Variants in STXBP6 observed in about 807,000 individuals in gnomAD.
The protein encoded by STXBP6 is syntaxin binding protein 6, also known as syntaxin-binding protein 6.
STXBP6 carries 21 observed loss-of-function variants against 26.9 expected under a neutral mutation model. The observed-to-expected ratio is 0.78, with a 90% CI of 0.55 to 1.12. The LOEUF is 1.12. Ranked by LOEUF, STXBP6 falls within the 50% of genes most tolerant of loss-of-function variation. The pLI is 0.00. For missense variants in STXBP6, 232 were observed against 257.9 expected, an observed-to-expected ratio of 0.90 and a Z score of 0.69; for synonymous variants, 97 against 92.6, an observed-to-expected ratio of 1.05 and a Z score of -0.27.
At chr14:24,897,676 G>A (rs1464677614) in intron 2 of STXBP6, among the ~76,000 whole-genome samples, 2 of 152,130 alleles carry the variant, frequency 1.3e-5, no homozygotes, top group Non-Finnish European at 2.9e-5. Context: ...TTAAAGTTTC[G>A]ATGAGGGATT....
chr14:24,838,952 T>C (rs1353017888), intron 4 of STXBP6, among the ~76,000 whole-genome samples: 2 of 151,940 alleles, frequency 1.3e-5, no homozygotes, highest in East Asian at 1.9e-4. Flanking sequence ...CTAAAGAATA[T>C]GAAACAATAA....
intron 2 of STXBP6, among the ~76,000 whole-genome samples, chr14:24,870,778 C>A (rs1367461155): frequency 6.6e-6 from 1 of 152,196 alleles, no homozygotes; most frequent in Non-Finnish European, 1.5e-5. Context: ...TACCCCATCA[C>A]CACCACCTGT....
chr14:24,838,971 A>C (rs537371071), intron 4 of STXBP6, among the ~76,000 whole-genome samples: 4 of 152,302 alleles, frequency 2.6e-5, no homozygotes, highest in Non-Finnish European at 4.4e-5. Flanking sequence ...AATAAAAAAA[A>C]CCTAAACCAT....
At chr14:24,817,905 T>A (rs1395907548) in intron 5 of STXBP6, 11 of 388,198 alleles carry the variant, frequency 2.8e-5, no homozygotes, top group South Asian at 2.1e-4. Flanking sequence ...GACAGCGCTG[T>A]GCAAAGGGGA....
intron 4 of STXBP6, among the ~76,000 whole-genome samples, chr14:24,821,771 T>C (rs2068142005): frequency 1.3e-5 from 2 of 152,180 alleles, no homozygotes. Flanking sequence ...CTTCTCCTAC[T>C]TGACTTTTTC....
At chr14:24,998,150 A>AT (rs1402043968) in intron 1 of STXBP6, among the ~76,000 whole-genome samples, 4 of 152,092 alleles carry the variant, frequency 2.6e-5, no homozygotes, top group Non-Finnish European at 5.9e-5. Context: ...GTAAGACTGC[A>AT]TTTTTTCTGT....
chr14:24,949,242 A>T (rs1014480133), intron 2 of STXBP6, among the ~76,000 whole-genome samples: 4 of 152,212 alleles, frequency 2.6e-5, no homozygotes, highest in African/African-American at 9.6e-5. Context: ...ATATTAATAG[A>T]AGTGTAAAAT....
intron 1 of STXBP6, among the ~76,000 whole-genome samples, chr14:24,995,537 TG>T (rs1442036382): frequency 2.6e-5 from 4 of 152,178 alleles, no homozygotes; most frequent in Non-Finnish European, 5.9e-5. Flanking sequence ...TTTTTTGCAG[TG>T]AGCCACTAGA....
intron 2 of STXBP6, among the ~76,000 whole-genome samples, chr14:24,914,961 TC>T (rs1343876028): frequency 6.6e-6 from 1 of 152,186 alleles, no homozygotes; most frequent in African/African-American, 2.4e-5. Flanking sequence ...AAAACATTAG[TC>T]TCCCTCAGCT....
chr14:25,045,604 T>TC (rs1491513673), intron 1 of STXBP6, among the ~76,000 whole-genome samples: 4 of 142,480 alleles, frequency 2.8e-5, no homozygotes, highest in Non-Finnish European at 6.1e-5. Flanking sequence ...TTTTTTCTTT[T>TC]CTTTTTTTTT....
intron 1 of STXBP6, among the ~76,000 whole-genome samples, chr14:25,007,448 T>C (rs2074928290): frequency 6.6e-6 from 1 of 152,174 alleles, no homozygotes; most frequent in Non-Finnish European, 1.5e-5. Context: ...GTGGGTACAA[T>C]CAGTCACCAC....
At chr14:24,913,797 A>G (rs1411904817) in intron 2 of STXBP6, among the ~76,000 whole-genome samples, 1 of 152,204 alleles carries the variant, frequency 6.6e-6, no homozygotes, top group East Asian at 1.9e-4. Flanking sequence ...CTTGGTTCAC[A>G]TTTTACCACC....
At chr14:24,851,207 T>C (rs1410214098) in intron 4 of STXBP6, among the ~76,000 whole-genome samples, 6 of 150,744 alleles carry the variant, frequency 4.0e-5, no homozygotes, top group Non-Finnish European at 7.4e-5. Context: ...CGTTAATCTA[T>C]ACTGACAATC....
chr14:24,859,966 T>C (rs1283845340), intron 2 of STXBP6, among the ~76,000 whole-genome samples: 1 of 152,196 alleles, frequency 6.6e-6, no homozygotes, highest in Non-Finnish European at 1.5e-5. Context: ...AAAAACAACA[T>C]GGTTTTCATG....
chr14:25,030,763 C>T (rs977810242), intron 1 of STXBP6, among the ~76,000 whole-genome samples: 10 of 152,084 alleles, frequency 6.6e-5, no homozygotes, highest in Admixed American at 5.9e-4. Flanking sequence ...GAAATTGCTA[C>T]GGCCTGGCTT....
intron 2 of STXBP6, among the ~76,000 whole-genome samples, chr14:24,873,640 C>T (rs547916508): frequency 8.5e-5 from 13 of 152,302 alleles, no homozygotes; most frequent in Admixed American, 1.3e-4. Flanking sequence ...GAAGGAAGTA[C>T]GGGAAAGGTC....
intron 1 of STXBP6, among the ~76,000 whole-genome samples, chr14:24,981,187 T>A (rs866950468): frequency 6.6e-6 from 1 of 152,174 alleles, no homozygotes; most frequent in Non-Finnish European, 1.5e-5. Flanking sequence ...CTATATCTAA[T>A]CCCAAATGTG....
chr14:24,929,319 T>C (rs577172101), intron 2 of STXBP6, among the ~76,000 whole-genome samples: 26 of 152,344 alleles, frequency 1.7e-4, no homozygotes, highest in African/African-American at 5.8e-4. Context: ...ACTTTCCACA[T>C]GCCTACAGAG....
chr14:25,002,337 C>T (rs538273453), intron 1 of STXBP6, among the ~76,000 whole-genome samples: 89 of 148,434 alleles, frequency 6.0e-4, no homozygotes, highest in African/African-American at 2.2e-3. Flanking sequence ...ACAGAGAATC[C>T]CATACAGTTA....
Sources: gnomAD v4.1 joint callset for allele counts (sites outside exome capture counted in the v4.1 genomes callset) on GRCh38, gnomAD v4.1.1 for gene constraint, MANE v1.5 for transcripts, NCBI Gene and HGNC (gene_info 2026-07-23, HGNC 2026-07-21) for gene names.